HMGA2: variants seen among roughly 807,000 people sequenced by gnomAD.
HMGA2 encodes high mobility group AT-hook 2, also known as high mobility group protein HMGI-C.
Under a neutral mutation model 19.1 loss-of-function variants are expected in HMGA2, and 8 were observed. The ratio of observed to expected loss-of-function variants is 0.42; its 90% CI spans 0.25 to 0.76. The LOEUF (loss-of-function observed/expected upper bound fraction) is 0.76, where lower values mean the gene tolerates loss of function less well. Among genes scored for constraint, HMGA2 ranks in the 30% least tolerant of loss-of-function variants. The pLI is 0.28. For missense variants in HMGA2, 109 were observed against 136.3 expected, an observed-to-expected ratio of 0.80 and a Z score of 1.00; for synonymous variants, 60 against 48.8, an observed-to-expected ratio of 1.23 and a Z score of -0.96.
In HMGA2 at chr12:65,966,000, C is replaced by A. The variant is rs552885609; in HGVS notation, c.*2708C>A. ...AAGACTGGACATTTAACTTTTCTAC[C>A]ATTTCTGCAAGTTAGGTATGTTTGC... On this transcript the variant is annotated 3_prime_UTR_variant, in exon 5 of 5. Transcript: ENST00000403681. 2.0e-4 allele frequency: 45 copies of A among 220,962 alleles called. 1 individual carries two copies. In the South Asian group the frequency reaches 7.2e-3, roughly 35 times the overall value. 13.7% of individuals were successfully genotyped at this position (220,962 alleles called of 1,614,324 possible). A position where few individuals can be genotyped will look rare whatever the true frequency, so the allele number is the denominator to read the frequency against.
intron 3 of HMGA2, among the ~76,000 whole-genome samples, chr12:65,927,229 T>C (rs1221784142): frequency 1.3e-5 from 2 of 152,214 alleles, no homozygotes; most frequent in African/African-American, 2.4e-5. Flanking sequence ...GCTACACTTA[T>C]AGGAACTGAA....
chr12:65,825,182 T>C lies in HMGA2; in HGVS notation c.-89T>C. The C allele has an allele frequency of 1.7e-6, 2 of 1,206,858 alleles. No individual in the cohort carries two copies. The highest frequency in any genetic ancestry group is 2.3e-6 in the Non-Finnish European group (2 of 866,956). The allele number at this position is 1,206,858 out of a possible 1,614,324, so 74.8% of individuals were successfully genotyped here. A position where few individuals can be genotyped will look rare whatever the true frequency, so the allele number is the denominator to read the frequency against. ...CTCGCCCCGCCGGCGTCCCCAGCCC[T>C]ATCACCTCATCTCCCGAAAGGTGCT... On this transcript the variant is annotated 5_prime_UTR_variant, in exon 1 of 5. Coordinates refer to ENST00000403681, the MANE Select transcript of HMGA2 (RefSeq NM_003483.6). The surrounding 1 kb of genome is among the most constrained non-coding windows in gnomAD (Gnocchi z 4.4).
At chr12:65,934,580 T>C (rs953249591) in intron 3 of HMGA2, among the ~76,000 whole-genome samples, 2 of 152,114 alleles carry the variant, frequency 1.3e-5, no homozygotes, top group South Asian at 4.2e-4. Context: ...ACCTCCATTT[T>C]CTCTATAAAG....
Position 65,929,417 on chromosome 12 carries a change from G to A in HMGA2, c.250-21966G>A, listed in dbSNP as rs538329981. Among the ~76,000 whole-genome samples the A allele has an allele frequency of 4.0e-5, 6 of 151,072 alleles. No homozygotes were observed. The South Asian group carries it at 6.3e-4, about 16-fold the overall frequency. On this transcript the variant is annotated intron_variant, in intron 3 of 4. Coordinates refer to ENST00000403681, the MANE Select transcript of HMGA2 (RefSeq NM_003483.6). ...TTTAAAAAATTGAAAAAAAAGTATC[G>A]ACTTGATATGTCTAAAGAGACCTAT...
chr12:65,960,511 T>C (rs1422394489), intron 4 of HMGA2, among the ~76,000 whole-genome samples: 1 of 152,166 alleles, frequency 6.6e-6, no homozygotes, highest in South Asian at 2.1e-4. Flanking sequence ...AGAGCTGAGG[T>C]TTGCAGAGGT....
rs564484797 is a variant in HMGA2, at chr12:65,920,184, G to A, written c.250-31199G>A. Among the ~76,000 whole-genome samples the A allele has an allele frequency of 3.9e-5, 6 of 152,216 alleles. No individual in the cohort carries two copies. In the East Asian group the frequency reaches 1.2e-3, roughly 29 times the overall value. On this transcript the variant is annotated intron_variant, in intron 3 of 4. Transcript: ENST00000403681. ...AGCCGTGAAGTGAGAGATGAGTCCG[G>A]GGTAGAAGCTGGAAAAGGAGTTAAC...
chr12:65,909,838 G>T (rs2121205887), intron 3 of HMGA2, among the ~76,000 whole-genome samples: 2 of 152,316 alleles, frequency 1.3e-5, no homozygotes, highest in Middle Eastern at 6.8e-3. Context: ...AAGCCTGTAG[G>T]AGTAAACACA....
chr12:65,933,303 G>C (rs1875781468), intron 3 of HMGA2, among the ~76,000 whole-genome samples: 1 of 152,160 alleles, frequency 6.6e-6, no homozygotes, highest in African/African-American at 2.4e-5. Context: ...ATACAGGAAA[G>C]ACCTTTGCAG....
At chr12:65,898,235 TG>T (rs950378509) in intron 3 of HMGA2, among the ~76,000 whole-genome samples, 8 of 152,178 alleles carry the variant, frequency 5.3e-5, no homozygotes, top group African/African-American at 1.9e-4. Flanking sequence ...GTAAGTCGGA[TG>T]GGAAAAAGTT....
At chr12:65,851,549 CTG>C in intron 3 of HMGA2, 1 of 345,916 alleles carries the variant, frequency 2.9e-6, no homozygotes, top group Non-Finnish European at 5.8e-6. Context: ...AATTAGACAG[CTG>C]TGGTGGCGGG....
Position 65,963,838 on chromosome 12 carries a change from G to A in HMGA2, c.*546G>A, listed in dbSNP as rs930285842. On this transcript the variant is annotated 3_prime_UTR_variant, in exon 5 of 5. Coordinates refer to ENST00000403681, the MANE Select transcript of HMGA2 (RefSeq NM_003483.6). ...GACTAGATACTACTTTCTCTTTTTCGTATAATCTTGTAGACACTTACTTGA... is the reference window on the plus strand; with the variant it reads ...GACTAGATACTACTTTCTCTTTTTCATATAATCTTGTAGACACTTACTTGA... The A allele has an allele frequency of 5.5e-5, 12 of 218,666 alleles. No homozygotes were observed. The highest frequency in any genetic ancestry group is 9.2e-5 in the Non-Finnish European group (10 of 108,820). The allele number at this position is 218,666 out of a possible 1,614,324, so 13.5% of individuals were successfully genotyped here.
chr12:65,920,329 T>G (rs1269596747), intron 3 of HMGA2, among the ~76,000 whole-genome samples: 1 of 152,166 alleles, frequency 6.6e-6, no homozygotes, highest in African/African-American at 2.4e-5. Flanking sequence ...ACTGTGAATC[T>G]GGGGGCTTGC....
intron 2 of HMGA2, among the ~76,000 whole-genome samples, chr12:65,834,624 C>T (rs892143004): frequency 6.6e-6 from 1 of 150,506 alleles, no homozygotes; most frequent in African/African-American, 2.5e-5. Flanking sequence ...TCCTCCCTGC[C>T]TCTCTCTTTG....
intron 3 of HMGA2, among the ~76,000 whole-genome samples, chr12:65,863,621 A>C (rs1872227551): frequency 6.6e-6 from 1 of 152,244 alleles, no homozygotes; most frequent in South Asian, 2.1e-4. Flanking sequence ...AGATGATGAG[A>C]AACTAAATTG....
chr12:65,953,583 C>T (rs1368579557), intron 4 of HMGA2: 1 of 152,118 alleles, frequency 6.6e-6, no homozygotes, highest in Non-Finnish European at 1.5e-5. Context: ...AGTGAAATCA[C>T]AGTTGTTTTT....
intron 4 of HMGA2, chr12:65,952,523 T>A: frequency 2.1e-6 from 3 of 1,430,652 alleles, no homozygotes; most frequent in African/African-American, 1.4e-5. Flanking sequence ...AAAACAGAGT[T>A]ACCATGAAAA....
At chr12:65,888,274 G>A (rs541384508) in intron 3 of HMGA2, among the ~76,000 whole-genome samples, 1,928 of 152,002 alleles carry the variant, frequency 0.013, 28 homozygotes, top group Non-Finnish European at 0.021. Context: ...TGGCCAACAC[G>A]GTGAAACCCT....
Position 65,825,408 on chromosome 12 carries a change from C to T in HMGA2, c.111+27C>T, listed in dbSNP as rs1420243256. ...TCAGTACGAGGGCGCGGTGGGGGCA[C>T]CAGCCCACCCCGTCCCCACTGCCGG... is the stretch of plus-strand genomic sequence containing the variant. On this transcript the variant is annotated intron_variant, in intron 1 of 4. Transcript: ENST00000403681. This position sits in a 1 kb window ranked among gnomAD's most constrained non-coding sequence, Gnocchi z 4.4. 6.9e-7 allele frequency: 1 copy of T among 1,456,734 alleles called. No homozygotes were observed. The highest frequency in any genetic ancestry group is 2.1e-5 in the Admixed American group (1 of 46,662). The allele number at this position is 1,456,734 out of a possible 1,614,324, so 90.2% of individuals were successfully genotyped here.
At chr12:65,874,688 C>A (rs982738268) in intron 3 of HMGA2, among the ~76,000 whole-genome samples, 2 of 152,046 alleles carry the variant, frequency 1.3e-5, no homozygotes, top group African/African-American at 4.8e-5. Context: ...GGCAAGATAT[C>A]TTTTTTAAAA....
Sources: gnomAD v4.1 joint callset for allele counts (sites outside exome capture counted in the v4.1 genomes callset) on GRCh38, gnomAD v4.1.1 for gene constraint, Gnocchi (gnomAD v3.1) non-coding constraint, MANE v1.5 for transcripts, NCBI Gene and HGNC (gene_info 2026-07-23, HGNC 2026-07-21) for gene names.